CDH18: variants seen among roughly 807,000 people sequenced by gnomAD.
CDH18 encodes the protein cadherin-18.
Under a neutral mutation model 67.9 loss-of-function variants are expected in CDH18, and 31 were observed. That is an observed-to-expected ratio of 0.46 (90% CI 0.34 to 0.62). CDH18 has a LOEUF of 0.62. Among genes scored for constraint, CDH18 ranks in the 20% least tolerant of loss-of-function variants. The pLI, the probability that CDH18 is intolerant of heterozygous loss-of-function variation, is 0.01. For synonymous variants in CDH18, 362 were observed against 347.2 expected (o/e 1.04, Z -0.48); for missense variants, 890 against 975.5 (o/e 0.91, Z 1.17).
chr5:19,820,281 TAGCAA>T (rs1352512719), intron 3 of CDH18, among the ~76,000 whole-genome samples: 1 of 152,094 alleles, frequency 6.6e-6, no homozygotes, highest in African/African-American at 2.4e-5. Flanking sequence ...CAGAGTGACC[TAGCAA>T]TCCGGGCACA....
chr5:20,068,552 A>G (rs1464718328), intron 2 of CDH18, among the ~76,000 whole-genome samples: 2 of 152,112 alleles, frequency 1.3e-5, no homozygotes, highest in Admixed American at 6.6e-5. Flanking sequence ...TAATAGTACT[A>G]TTTTCTGAGA....
At chr5:20,413,894 G>A (rs4555812) in intron 1 of CDH18, among the ~76,000 whole-genome samples, 81,001 of 151,890 alleles carry the variant, frequency 0.53, 22,092 homozygotes, top group Middle Eastern at 0.63. Context: ...GCCCATGCCT[G>A]TAACCTGAAT....
intron 1 of CDH18, among the ~76,000 whole-genome samples, chr5:20,364,059 CA>C (rs1742314797): frequency 6.6e-6 from 1 of 152,066 alleles, no homozygotes; most frequent in South Asian, 2.1e-4. Flanking sequence ...GTGTTTCTTT[CA>C]AACTAAAGAG....
chr5:19,494,041 T>C (rs1741897209), intron 11 of CDH18, among the ~76,000 whole-genome samples: 2 of 152,186 alleles, frequency 1.3e-5, no homozygotes. Context: ...ATCAACTGGC[T>C]GTTCACTTCT....
Position 20,099,519 on chromosome 5 carries a change from C to T in CDH18, c.-517-107505G>A, listed in dbSNP as rs189971586. ...GGATAAAATTATTGTCTCCCATTTT[C>T]ATCTTTTTATCCACATAAATCATAC... is the stretch of plus-strand genomic sequence containing the variant. On this transcript the variant is annotated intron_variant, in intron 2 of 14. Transcript: ENST00000507958. Among the ~76,000 whole-genome samples, 332 of 152,170 alleles carry T rather than the reference C, an allele frequency of 2.2e-3. 1 individual carries two copies. Among genetic ancestry groups the T allele is most frequent in the African/African-American group, 7.5e-3 (312 of 41,518 alleles).
At chr5:20,482,732 G>A (rs1752903166) in intron 1 of CDH18, among the ~76,000 whole-genome samples, 1 of 151,870 alleles carries the variant, frequency 6.6e-6, no homozygotes. Flanking sequence ...ATTTCTTCCT[G>A]ATGAAAACTC....
chr5:20,142,261 T>C (rs917101843), intron 2 of CDH18, among the ~76,000 whole-genome samples: 1 of 152,120 alleles, frequency 6.6e-6, no homozygotes, highest in African/African-American at 2.4e-5. Context: ...TTCCATCTCA[T>C]GGATATAAAC....
At chr5:20,560,468 T>C (rs865875212) in intron 1 of CDH18, among the ~76,000 whole-genome samples, 163 of 127,672 alleles carry the variant, frequency 1.3e-3, no homozygotes, top group South Asian at 2.8e-3. Context: ...CCAACACTCA[T>C]ACACACACAC....
chr5:19,793,055 A>C (rs530497804), intron 3 of CDH18, among the ~76,000 whole-genome samples: 1 of 152,216 alleles, frequency 6.6e-6, no homozygotes, highest in Non-Finnish European at 1.5e-5. Context: ...ATGAATGATA[A>C]TGCCTGTTCT....
intron 1 of CDH18, among the ~76,000 whole-genome samples, chr5:20,469,789 C>G (rs1751920144): frequency 6.6e-6 from 1 of 152,142 alleles, no homozygotes; most frequent in South Asian, 2.1e-4. Flanking sequence ...ATTACTGCAT[C>G]CTTTACTGAC....
intron 2 of CDH18, among the ~76,000 whole-genome samples, chr5:20,146,366 G>A (rs1750643970): frequency 6.6e-6 from 1 of 151,948 alleles, no homozygotes; most frequent in Admixed American, 6.6e-5. Context: ...ACCATTGAAA[G>A]GATTTGAGAT....
intron 1 of CDH18, among the ~76,000 whole-genome samples, chr5:20,453,754 A>T (rs1488515545): frequency 1.3e-5 from 2 of 152,088 alleles, no homozygotes; most frequent in African/African-American, 4.8e-5. Flanking sequence ...CTCAGCTGTC[A>T]TTAATTTTCA....
intron 2 of CDH18, among the ~76,000 whole-genome samples, chr5:20,172,188 G>GTGTGTGTATATA (rs1736772606): frequency 6.6e-5 from 1 of 15,166 alleles, no homozygotes; most frequent in Admixed American, 9.5e-4. Flanking sequence ...ATAGCATTGT[G>GTGTGTGTATATA]TGTATATATA....
At chr5:19,757,169 G>A (rs1771712658) in intron 3 of CDH18, among the ~76,000 whole-genome samples, 1 of 152,220 alleles carries the variant, frequency 6.6e-6, no homozygotes. Context: ...GGAATACCAT[G>A]AGGGTGGATA....
chr5:19,691,865 G>GA (rs1395266699), intron 5 of CDH18, among the ~76,000 whole-genome samples: 17 of 150,632 alleles, frequency 1.1e-4, no homozygotes, highest in African/African-American at 1.9e-4. Flanking sequence ...TACAGAAACA[G>GA]AAAAAAAAAT....
At chr5:20,575,273 AT>A (rs1259398162) in intron 1 of CDH18, among the ~76,000 whole-genome samples, 19 of 101,712 alleles carry the variant, frequency 1.9e-4, no homozygotes, top group Middle Eastern at 5.0e-3. Flanking sequence ...ACCTGGAGAT[AT>A]TTTTTAAATG....
At chr5:20,170,071 T>C (rs1234847571) in intron 2 of CDH18, among the ~76,000 whole-genome samples, 6 of 152,144 alleles carry the variant, frequency 3.9e-5, no homozygotes, top group Admixed American at 3.3e-4. Flanking sequence ...CGTGCAGGTT[T>C]GTTACATATG....
intron 2 of CDH18, among the ~76,000 whole-genome samples, chr5:19,861,762 A>C (rs1348402326): frequency 6.6e-6 from 1 of 152,148 alleles, no homozygotes; most frequent in East Asian, 1.9e-4. Context: ...AACTGAAAAA[A>C]TTGTGCTTCC....
intron 2 of CDH18, among the ~76,000 whole-genome samples, chr5:19,842,352 G>A (rs1290074853): frequency 6.6e-6 from 1 of 152,108 alleles, no homozygotes; most frequent in South Asian, 2.1e-4. Flanking sequence ...TGGATCATGG[G>A]GGCTGCTCCC....
Sources: gnomAD v4.1 joint callset for allele counts (sites outside exome capture counted in the v4.1 genomes callset) on GRCh38, gnomAD v4.1.1 for gene constraint, MANE v1.5 for transcripts, NCBI Gene and HGNC (gene_info 2026-07-23, HGNC 2026-07-21) for gene names.